SPAG16: variants seen among roughly 807,000 people sequenced by gnomAD.
SPAG16 encodes sperm associated antigen 16.
In SPAG16, 86 loss-of-function variants were observed where a neutral mutation model predicts 80.4. The observed-to-expected ratio is 1.07, with a 90% CI of 0.90 to 1.28. SPAG16 has a LOEUF of 1.28. SPAG16 is among the 50% of genes most tolerant of loss of function. SPAG16 has a pLI of 0.00. For missense variants in SPAG16, 870 were observed against 765.3 expected, an observed-to-expected ratio of 1.14 and a Z score of -1.61; for synonymous variants, 294 against 265.9, an observed-to-expected ratio of 1.11 and a Z score of -1.03.
intron 13 of SPAG16, among the ~76,000 whole-genome samples, chr2:214,039,597 T>C (rs1432970047): frequency 1.3e-5 from 2 of 152,166 alleles, no homozygotes; most frequent in Non-Finnish European, 2.9e-5. Flanking sequence ...CTCCAACAAA[T>C]TTACAAGAAA....
At chr2:213,995,095 T>C (rs1282177576) in intron 12 of SPAG16, among the ~76,000 whole-genome samples, 1 of 152,264 alleles carries the variant, frequency 6.6e-6, no homozygotes, top group Non-Finnish European at 1.5e-5. Flanking sequence ...AGACTTCTCA[T>C]GCGTCCTCCT....
chr2:213,759,894 G>A (rs2068558262), intron 10 of SPAG16, among the ~76,000 whole-genome samples: 1 of 152,046 alleles, frequency 6.6e-6, no homozygotes, highest in Non-Finnish European at 1.5e-5. Context: ...AAATAGCTAG[G>A]TGTGGTGGCA....
intron 10 of SPAG16, among the ~76,000 whole-genome samples, chr2:213,655,250 G>T (rs1455384773): frequency 2.6e-5 from 4 of 152,178 alleles, no homozygotes; most frequent in Non-Finnish European, 4.4e-5. Flanking sequence ...GGAAGTCTCT[G>T]TACCTTCTGT....
At chr2:213,658,875 A>C (rs1184280603) in intron 10 of SPAG16, among the ~76,000 whole-genome samples, 2 of 152,208 alleles carry the variant, frequency 1.3e-5, no homozygotes, top group Non-Finnish European at 2.9e-5. Context: ...GTCTCTACTA[A>C]AAATGCAAAA....
chr2:214,191,308 AT>A (rs754170012), intron 15 of SPAG16, among the ~76,000 whole-genome samples: 1 of 152,102 alleles, frequency 6.6e-6, no homozygotes, highest in Admixed American at 6.6e-5. Flanking sequence ...GGAGCTATGC[AT>A]TTTCAAATTG....
chr2:214,045,745 A>T (rs1157046856), intron 13 of SPAG16, among the ~76,000 whole-genome samples: 1 of 152,222 alleles, frequency 6.6e-6, no homozygotes, highest in Non-Finnish European at 1.5e-5. Context: ...TTAAGTGCCT[A>T]CATCAAAAAA....
At chr2:214,300,418 C>G (rs982013253) in intron 15 of SPAG16, among the ~76,000 whole-genome samples, 5 of 152,044 alleles carry the variant, frequency 3.3e-5, no homozygotes, top group Non-Finnish European at 7.4e-5. Flanking sequence ...AACACATAAG[C>G]TTTTTAATGA....
At chr2:213,768,315 C>T (rs537616462) in intron 10 of SPAG16, among the ~76,000 whole-genome samples, 35 of 152,116 alleles carry the variant, frequency 2.3e-4, no homozygotes, top group Admixed American at 9.2e-4. Context: ...AGGGCAATGA[C>T]ATAATCAAAT....
intron 10 of SPAG16, among the ~76,000 whole-genome samples, chr2:213,801,354 C>T (rs560463977): frequency 2.5e-4 from 38 of 152,334 alleles, no homozygotes; most frequent in African/African-American, 7.9e-4. Flanking sequence ...AATCTGAAAG[C>T]TGTCAGTAAA....
At chr2:214,297,354 G>C (rs2125942828) in intron 15 of SPAG16, among the ~76,000 whole-genome samples, 1 of 152,156 alleles carries the variant, frequency 6.6e-6, no homozygotes, top group South Asian at 2.1e-4. Context: ...ACTTGTTTTT[G>C]AGGTCTTAGT....
At position 213,460,499 on chromosome 2, in the gene SPAG16, G is replaced by C. The variant is rs950804087; in HGVS notation, c.943-29464G>C. On this transcript the variant is annotated intron_variant, in intron 9 of 15. Coordinates refer to ENST00000331683, the MANE Select transcript of SPAG16 (RefSeq NM_024532.5). ...TTTCATGTGCTTGCTAATGTTGCAGGGAACCTCAATCAGGAATAAAACAGA... is the reference window on the plus strand; with the variant it reads ...TTTCATGTGCTTGCTAATGTTGCAGCGAACCTCAATCAGGAATAAAACAGA... Among the ~76,000 whole-genome samples the C allele has an allele frequency of 2.0e-5, 3 of 152,156 alleles. 1 individual carries two copies. The South Asian group carries it at 6.2e-4, about 32-fold the overall frequency.
At position 213,816,702 on chromosome 2, in the gene SPAG16, A is replaced by G. The variant is rs137856788; in HGVS notation, c.1071-45783A>G. Among the ~76,000 whole-genome samples the G allele has an allele frequency of 1.7e-3, 252 of 152,182 alleles. 2 individuals carry two copies. The highest frequency in any genetic ancestry group is 5.6e-3 in the African/African-American group (232 of 41,542). ...CATGTCTCTTATGCACATGATTCCT[A>G]AGGCATATTGTTTTCTAGGCCTCCA... On this transcript the variant is annotated intron_variant, in intron 10 of 15. Coordinates refer to ENST00000331683, the MANE Select transcript of SPAG16 (RefSeq NM_024532.5).
At chr2:213,761,282 G>A (rs1176727386) in intron 10 of SPAG16, among the ~76,000 whole-genome samples, 1 of 152,114 alleles carries the variant, frequency 6.6e-6, no homozygotes, top group Non-Finnish European at 1.5e-5. Flanking sequence ...CAGTGCTAAG[G>A]GGGAAATTTA....
intron 15 of SPAG16, 87 bp downstream of exon 15, chr2:214,149,353 G>A (rs2055860602): frequency 1.6e-6 from 2 of 1,214,410 alleles, no homozygotes; most frequent in Non-Finnish European, 2.1e-6. Context: ...TTAAATGTAT[G>A]TATTTCTACG....
chr2:213,604,024 T>C (rs1476951184), intron 10 of SPAG16, among the ~76,000 whole-genome samples: 1 of 151,862 alleles, frequency 6.6e-6, no homozygotes, highest in Non-Finnish European at 1.5e-5. Flanking sequence ...CCTGAGTAGC[T>C]GGGATTACAG....
intron 11 of SPAG16, among the ~76,000 whole-genome samples, chr2:213,928,433 T>C (rs80027678): frequency 1.3e-5 from 2 of 152,174 alleles, no homozygotes; most frequent in East Asian, 3.9e-4. Context: ...ATATCCTCAT[T>C]ATATAATCCA....
At chr2:214,084,181 T>C (rs2051567424) in intron 13 of SPAG16, among the ~76,000 whole-genome samples, 2 of 152,210 alleles carry the variant, frequency 1.3e-5, no homozygotes, top group Non-Finnish European at 2.9e-5. Flanking sequence ...AAGGGAAAGA[T>C]TGAGATTCTC....
chr2:214,093,839 T>A (rs10207439), intron 13 of SPAG16, among the ~76,000 whole-genome samples: 14,270 of 152,046 alleles, frequency 0.094, 830 homozygotes, highest in East Asian at 0.28. Flanking sequence ...TGGCATGCTC[T>A]GGGGTCACTC....
chr2:214,339,203 A>C (rs1457557447), intron 15 of SPAG16, among the ~76,000 whole-genome samples: 1 of 152,216 alleles, frequency 6.6e-6, no homozygotes, highest in Non-Finnish European at 1.5e-5. Context: ...AACAGCTCAG[A>C]GGTGACTGAG....
Sources: gnomAD v4.1 joint callset for allele counts (sites outside exome capture counted in the v4.1 genomes callset) on GRCh38, gnomAD v4.1.1 for gene constraint, MANE v1.5 for transcripts, NCBI Gene and HGNC (gene_info 2026-07-23, HGNC 2026-07-21) for gene names.